The following TICRR variants were observed in gnomAD, a reference collection of about 807,000 sequenced individuals.
The protein encoded by TICRR is treslin.
A neutral mutation model predicts 178.1 loss-of-function variants in TICRR; 132 were observed. The observed-to-expected ratio is 0.74, with a 90% CI of 0.64 to 0.86. The LOEUF is 0.86. TICRR is among the 40% of genes least tolerant of loss of function. The pLI, the probability that TICRR is intolerant of heterozygous loss-of-function variation, is 0.00. For missense variants in TICRR, 2,587 were observed against 2,334.3 expected (o/e 1.11, Z -2.23); for synonymous variants, 991 against 900.7 (o/e 1.10, Z -1.79).
At chr15:89,588,364 G>A (rs532416813) in intron 4 of TICRR, among the ~76,000 whole-genome samples, 3 of 152,292 alleles carry the variant, frequency 2.0e-5, no homozygotes, top group South Asian at 2.1e-4. Context: ...AGTAGGCAGG[G>A]AGCTGGATTA....
chr15:89,576,120 C>A lies in TICRR; in HGVS notation c.534C>A (p.Ala178=). ...LQFVSGCEAQ[A]QRLPPTPKQV... is the part of the protein sequence containing the mutation. ...TCGTGTCTGGGTGCGAGGCCCAGGC[C>A]CAGCGCCTGCCGCCCACCCCTAAGC... The change falls in exon 1 of 22, where the codon GCC becomes GCA. Residue 178 remains alanine, a synonymous_variant. Transcript: ENST00000268138. The A allele has an allele frequency of 6.2e-7, 1 of 1,610,400 alleles. No homozygotes were observed. The highest frequency in any genetic ancestry group is 1.1e-5 in the South Asian group (1 of 91,072).
intron 16 of TICRR, among the ~76,000 whole-genome samples, chr15:89,616,880 G>A (rs751340781): frequency 6.6e-6 from 1 of 152,178 alleles, no homozygotes; most frequent in Non-Finnish European, 1.5e-5. Flanking sequence ...TTTCTGCAGC[G>A]ATTGGTTGGA....
chr15:89,626,911 G>C, intron 21 of TICRR, 45 bp from the exon 22 acceptor site: 1 of 1,595,910 alleles, frequency 6.3e-7, no homozygotes, highest in Non-Finnish European at 8.6e-7. Context: ...TTTCAGTTCG[G>C]TCCTCTGTGA....
chr15:89,613,734 C>CTTTTTTT (rs34162195), intron 15 of TICRR, among the ~76,000 whole-genome samples: 1 of 61,520 alleles, frequency 1.6e-5, no homozygotes, highest in African/African-American at 7.5e-5. Context: ...TTTCTATTCG[C>CTTTTTTT]TTTTTTTTTT....
At chr15:89,613,084 A>G (rs965325664) in intron 15 of TICRR, among the ~76,000 whole-genome samples, 8 of 152,330 alleles carry the variant, frequency 5.3e-5, no homozygotes, top group Admixed American at 5.2e-4. Context: ...TTCAGCCCAC[A>G]GGACTCCTTT....
At chr15:89,608,209 G>C (rs975302931) in intron 14 of TICRR, among the ~76,000 whole-genome samples, 2 of 152,076 alleles carry the variant, frequency 1.3e-5, no homozygotes, top group Non-Finnish European at 1.5e-5. Flanking sequence ...AATTGAATTC[G>C]TAATGGAATA....
intron 7 of TICRR, among the ~76,000 whole-genome samples, chr15:89,597,783 A>G (rs1482328888): frequency 1.3e-5 from 2 of 152,174 alleles, no homozygotes; most frequent in Non-Finnish European, 2.9e-5. Flanking sequence ...AAAATAACTT[A>G]TTTGATAGGG....
chr15:89,593,215 A>G (rs1354495972), intron 5 of TICRR, among the ~76,000 whole-genome samples: 1 of 152,216 alleles, frequency 6.6e-6, no homozygotes, highest in Non-Finnish European at 1.5e-5. Context: ...GGAAGAACTG[A>G]CATCTTAACA....
Position 89,627,427 on chromosome 15 carries a change from G to C in TICRR, c.*341G>C, listed in dbSNP as rs1963553005. ...CCACTCTGCCTCATTTATGCAAATG[G>C]AGAAAGGCGCCCTCCCTGGGGTCCC... On this transcript the variant is annotated 3_prime_UTR_variant, in exon 22 of 22. Coordinates refer to ENST00000268138, the MANE Select transcript of TICRR (RefSeq NM_152259.4). The C allele has an allele frequency of 3.7e-6, 1 of 273,434 alleles. No homozygotes were observed. Among genetic ancestry groups the C allele is most frequent in the South Asian group, 8.2e-5 (1 of 12,252 alleles). The allele number at this position is 273,434 out of a possible 1,614,324, so 16.9% of individuals were successfully genotyped here.
intron 1 of TICRR, among the ~76,000 whole-genome samples, chr15:89,578,081 G>A (rs1396437864): frequency 3.9e-5 from 6 of 152,126 alleles, no homozygotes; most frequent in African/African-American, 1.4e-4. Context: ...GTAGGCAAGG[G>A]GAGCAGTGTG....
chr15:89,613,112 T>C (rs1963279106), intron 15 of TICRR, among the ~76,000 whole-genome samples: 1 of 152,212 alleles, frequency 6.6e-6, no homozygotes, highest in African/African-American at 2.4e-5. Flanking sequence ...ATTTATAGTG[T>C]AGGTCTGCTA....
chr15:89,590,921 C>T (rs1458187481), intron 4 of TICRR, among the ~76,000 whole-genome samples: 1 of 152,176 alleles, frequency 6.6e-6, no homozygotes, highest in South Asian at 2.1e-4. Flanking sequence ...AGATGGATCT[C>T]TCAGAATTAC....
intron 15 of TICRR, among the ~76,000 whole-genome samples, chr15:89,613,263 C>T (rs1452274970): frequency 1.3e-5 from 2 of 152,174 alleles, no homozygotes; most frequent in African/African-American, 4.8e-5. Context: ...ATCACACTGC[C>T]TTTTGTCTTT....
chr15:89,585,646 C>G (rs1303118789), intron 3 of TICRR, 62 bp from the exon 4 acceptor site: 5 of 1,141,818 alleles, frequency 4.4e-6, no homozygotes, highest in Non-Finnish European at 5.2e-6. Flanking sequence ...TTTTAGTACA[C>G]TACATTCTTC....
At chr15:89,608,084 C>T (rs78184607) in intron 14 of TICRR, among the ~76,000 whole-genome samples, 1,547 of 152,192 alleles carry the variant, frequency 0.01, 34 homozygotes, top group African/African-American at 0.036. Context: ...ATTAAAAGGA[C>T]GATGACCTAT....
chr15:89,620,912 AC>A (rs1352657118), intron 18 of TICRR, among the ~76,000 whole-genome samples: 2 of 149,786 alleles, frequency 1.3e-5, no homozygotes, highest in Non-Finnish European at 3.0e-5. Flanking sequence ...TTTAGTAGAG[AC>A]AGGTTTCACT....
In TICRR at chr15:89,595,577, CAG is replaced by C; in HGVS notation, c.1869_1870del (p.Gly624LysfsTer7). The stretch of plus-strand genomic sequence containing the variant: ...GGAGAACAGTGGATAAATTGGAAGA[CAG>C]AGGAAGAACACTAAGAAGTTCTAAA... The part of the protein sequence containing the change: ...SGRTVDKLED[R>X]GRTLRSSKPK... On this transcript the variant is annotated frameshift_variant, in exon 7 of 22. Coordinates refer to ENST00000268138, the MANE Select transcript of TICRR (RefSeq NM_152259.4). LOFTEE classifies it high-confidence loss of function. 1.9e-6 allele frequency: 3 copies of C among 1,614,112 alleles called. No homozygotes were observed. Among genetic ancestry groups the C allele is most frequent in the Non-Finnish European group, 2.5e-6 (3 of 1,179,992 alleles).
At chr15:89,615,676 C>G (rs1206812715) in intron 15 of TICRR, among the ~76,000 whole-genome samples, 1 of 152,106 alleles carries the variant, frequency 6.6e-6, no homozygotes, top group African/African-American at 2.4e-5. Context: ...TTAAATCAGT[C>G]CTCTCATAAG....
chr15:89,612,314 G>C (rs117535978), intron 15 of TICRR, among the ~76,000 whole-genome samples: 1 of 152,176 alleles, frequency 6.6e-6, no homozygotes, highest in African/African-American at 2.4e-5. Context: ...GGGGGAAGGT[G>C]TGTCTGTCCC....
Sources: gnomAD v4.1 joint callset for allele counts (sites outside exome capture counted in the v4.1 genomes callset) on GRCh38, gnomAD v4.1.1 for gene constraint, MANE v1.5 for transcripts, NCBI Gene and HGNC (gene_info 2026-07-23, HGNC 2026-07-21) for gene names.